Variants in COL23A1 observed in about 807,000 individuals in gnomAD.
COL23A1 encodes the protein collagen alpha-1(XXIII) chain.
COL23A1 carries 97 observed loss-of-function variants against 99.3 expected under a neutral mutation model. The observed-to-expected ratio is 0.98, with a 90% CI of 0.83 to 1.16. COL23A1 has a LOEUF of 1.16. COL23A1 is among the 50% of genes most tolerant of loss of function. COL23A1 has a pLI of 0.00. For synonymous variants in COL23A1, 320 were observed against 308.2 expected, an observed-to-expected ratio of 1.04 and a Z score of -0.40; for missense variants, 762 against 757.4, an observed-to-expected ratio of 1.01 and a Z score of -0.07.
intron 2 of COL23A1, among the ~76,000 whole-genome samples, chr5:178,451,690 C>T (rs1259562931): frequency 2.1e-5 from 3 of 139,704 alleles, no homozygotes; most frequent in Non-Finnish European, 4.6e-5. Flanking sequence ...ACACGGAAAT[C>T]AATAGTTTTC....
At chr5:178,487,143 T>C (rs1012888109) in intron 2 of COL23A1, among the ~76,000 whole-genome samples, 1 of 142,552 alleles carries the variant, frequency 7.0e-6, no homozygotes, top group African/African-American at 2.9e-5. Context: ...CCTCAGTGCC[T>C]GAGTGTTCTG....
intron 2 of COL23A1, among the ~76,000 whole-genome samples, chr5:178,506,945 G>A (rs1758905999): frequency 6.6e-6 from 1 of 152,236 alleles, no homozygotes; most frequent in African/African-American, 2.4e-5. Flanking sequence ...ATACAGGACC[G>A]TTTGTTTTCA....
intron 3 of COL23A1, among the ~76,000 whole-genome samples, chr5:178,296,747 G>A (rs1287709994): frequency 1.3e-5 from 2 of 152,058 alleles, no homozygotes; most frequent in Non-Finnish European, 2.9e-5. Flanking sequence ...GAGTGGGAAT[G>A]GCAGCGTTCC....
intron 2 of COL23A1, among the ~76,000 whole-genome samples, chr5:178,558,949 T>C (rs141240315): frequency 0.012 from 1,799 of 152,168 alleles, 42 homozygotes; most frequent in African/African-American, 0.041. Context: ...CCACCATGCC[T>C]GGCTAATTTT....
chr5:178,443,701 G>A (rs1401679234), intron 2 of COL23A1, among the ~76,000 whole-genome samples: 2 of 150,848 alleles, frequency 1.3e-5, no homozygotes, highest in Non-Finnish European at 1.5e-5. Context: ...CAAGTGATCC[G>A]CCTGCCTCAG....
chr5:178,515,375 G>A (rs372261406), intron 2 of COL23A1, among the ~76,000 whole-genome samples: 1 of 152,202 alleles, frequency 6.6e-6, no homozygotes, highest in South Asian at 2.1e-4. Context: ...GGTAGGGTCC[G>A]CCCAGGGGCA....
intron 4 of COL23A1, among the ~76,000 whole-genome samples, chr5:178,289,692 T>G (rs1757350232): frequency 6.6e-6 from 1 of 152,240 alleles, no homozygotes; most frequent in South Asian, 2.1e-4. Context: ...AAACGTCAAC[T>G]GTCACGGAGC....
At chr5:178,350,291 C>T (rs1761247879) in intron 2 of COL23A1, among the ~76,000 whole-genome samples, 1 of 152,212 alleles carries the variant, frequency 6.6e-6, no homozygotes, top group Non-Finnish European at 1.5e-5. Context: ...CATTTCAGTC[C>T]TTTGCGCTTG....
At position 178,590,226 on chromosome 5, in the gene COL23A1, A is replaced by G; in HGVS notation, c.-29T>C. ...GCGTTCGTCGCGCGTGGACTCTCCG[A>G]GGGGGCGGTGCTGCTGGGGCAGAGG... On this transcript the variant is annotated 5_prime_UTR_variant, in exon 1 of 29. Transcript: ENST00000390654. This position sits in a 1 kb window ranked among gnomAD's most constrained non-coding sequence, Gnocchi z 5.7. The G allele has an allele frequency of 8.3e-7, 1 of 1,207,876 alleles. No individual in the cohort carries two copies. The highest frequency in any genetic ancestry group is 1.0e-6 in the Non-Finnish European group (1 of 972,344). 74.8% of individuals were successfully genotyped at this position (1,207,876 alleles called of 1,614,324 possible). A position where few individuals can be genotyped will look rare whatever the true frequency, so the allele number is the denominator to read the frequency against.
intron 2 of COL23A1, among the ~76,000 whole-genome samples, chr5:178,445,901 T>C (rs1196098393): frequency 6.6e-6 from 1 of 152,098 alleles, no homozygotes; most frequent in African/African-American, 2.4e-5. Context: ...AAAAGATTAA[T>C]ATCTTCCATG....
At chr5:178,496,907 T>C (rs974873681) in intron 2 of COL23A1, among the ~76,000 whole-genome samples, 4 of 152,204 alleles carry the variant, frequency 2.6e-5, no homozygotes, top group African/African-American at 4.8e-5. Flanking sequence ...CAGTGACTAA[T>C]AGCCTTCTGA....
intron 2 of COL23A1, among the ~76,000 whole-genome samples, chr5:178,405,381 G>C (rs1467223271): frequency 1.3e-5 from 2 of 152,150 alleles, no homozygotes; most frequent in African/African-American, 2.4e-5. Context: ...TTCAATTTTT[G>C]TATTTTCTTT....
intron 16 of COL23A1, among the ~76,000 whole-genome samples, chr5:178,253,561 C>A (rs1371213891): frequency 1.3e-5 from 2 of 151,608 alleles, no homozygotes; most frequent in African/African-American, 4.9e-5. Flanking sequence ...CAGTTCACCA[C>A]AACCTCTGCC....
In COL23A1 at chr5:178,355,856, G is replaced by A. The variant is rs75657021; in HGVS notation, c.362-48937C>T. On this transcript the variant is annotated intron_variant, in intron 2 of 28. Coordinates refer to ENST00000390654, the MANE Select transcript of COL23A1 (RefSeq NM_173465.4). ...GCTGCAGGTTCAGAGGGCTGACTGC[G>A]TATTGCGAAATGATTGACAGCACTG... is the stretch of plus-strand genomic sequence containing the variant. Among the ~76,000 whole-genome samples the A allele has an allele frequency of 3.2e-3, 492 of 152,224 alleles. 3 individuals are homozygous for A. The highest frequency in any genetic ancestry group is 0.01 in the Middle Eastern group (3 of 294).
chr5:178,345,490 C>T (rs1760912592), intron 2 of COL23A1, among the ~76,000 whole-genome samples: 1 of 150,722 alleles, frequency 6.6e-6, no homozygotes, highest in African/African-American at 2.4e-5. Context: ...GGGCAAATAA[C>T]AGGACTTTCT....
In COL23A1 at chr5:178,357,730, G is replaced by GTA. The variant is rs1442690060; in HGVS notation, c.362-50812_362-50811insTA. Among the ~76,000 whole-genome samples, 50 of 149,452 alleles carry GTA rather than the reference G, an allele frequency of 3.3e-4. 1 individual carries two copies. Among genetic ancestry groups the GTA allele is most frequent in the Non-Finnish European group, 7.3e-4 (49 of 66,988 alleles). ...TTAAAATGTGTGTATGTGTGTGTGT[G>GTA]TGTGTGTATGTACGTGTATGTGTGT... On this transcript the variant is annotated intron_variant, in intron 2 of 28. Transcript: ENST00000390654.
intron 2 of COL23A1, among the ~76,000 whole-genome samples, chr5:178,330,136 CT>C (rs1759929707): frequency 1.3e-5 from 2 of 152,138 alleles, no homozygotes; most frequent in Admixed American, 1.3e-4. Flanking sequence ...GGCTTTTCCC[CT>C]GAAAAGCCTG....
intron 2 of COL23A1, among the ~76,000 whole-genome samples, chr5:178,327,180 A>G (rs1002990689): frequency 1.3e-5 from 2 of 152,156 alleles, no homozygotes; most frequent in African/African-American, 4.8e-5. Flanking sequence ...TGTACTAATG[A>G]CCCACTCTGT....
rs537772584 is a variant in COL23A1 at position 178,256,996 on chromosome 5, C to T, written c.775-68G>A. On this transcript the variant is annotated intron_variant, in intron 13 of 28. Coordinates refer to ENST00000390654, the MANE Select transcript of COL23A1 (RefSeq NM_173465.4). ...ACGTGGCGGGTGCCTTGGAGGGGGG[C>T]GTGCCTCGGGGTTGCCTGAAGCCTC... The T allele has an allele frequency of 2.2e-4, 325 of 1,487,558 alleles. 4 individuals carry two copies. In the South Asian group the frequency reaches 3.4e-3, roughly 15 times the overall value. 92.1% of individuals were successfully genotyped at this position (1,487,558 alleles called of 1,614,324 possible).
Sources: allele counts gnomAD v4.1 joint callset (sites outside exome capture counted in the v4.1 genomes callset), GRCh38; gene constraint gnomAD v4.1.1; non-coding constraint Gnocchi (gnomAD v3.1); transcripts MANE v1.5; gene names NCBI Gene and HGNC (gene_info 2026-07-23, HGNC 2026-07-21).